Variants in ROBO2 observed in about 807,000 individuals in gnomAD.
The protein encoded by ROBO2 is roundabout guidance receptor 2.
A neutral mutation model predicts 160.8 loss-of-function variants in ROBO2; 53 were observed. The ratio of observed to expected loss-of-function variants is 0.33; its 90% CI spans 0.26 to 0.41. The LOEUF is 0.41. Among genes scored for constraint, ROBO2 ranks in the 10% least tolerant of loss-of-function variants. The pLI, the probability that ROBO2 is intolerant of heterozygous loss-of-function variation, is 1.00. For synonymous variants in ROBO2, 664 were observed against 611.7 expected, an observed-to-expected ratio of 1.09 and a Z score of -1.26; for missense variants, 1,577 against 1,722.4, an observed-to-expected ratio of 0.92 and a Z score of 1.49.
intron 2 of ROBO2, among the ~76,000 whole-genome samples, chr3:77,234,537 A>G (rs2087674872): frequency 6.6e-6 from 1 of 152,194 alleles, no homozygotes; most frequent in African/African-American, 2.4e-5. Flanking sequence ...CTTGAAATGA[A>G]AGATGCATAT....
intron 2 of ROBO2, among the ~76,000 whole-genome samples, chr3:76,673,497 G>A (rs1234325263): frequency 6.6e-6 from 1 of 152,156 alleles, no homozygotes; most frequent in Non-Finnish European, 1.5e-5. Context: ...ATTTAAATAC[G>A]CTTCTATGCT....
chr3:75,985,457 C>A (rs1301561908), intron 2 of ROBO2, among the ~76,000 whole-genome samples: 2 of 151,420 alleles, frequency 1.3e-5, no homozygotes, highest in Admixed American at 1.3e-4. Flanking sequence ...TATCTAAACA[C>A]AGAAAAGGCA....
At chr3:76,034,091 C>T (rs1466621113) in intron 2 of ROBO2, among the ~76,000 whole-genome samples, 1 of 152,178 alleles carries the variant, frequency 6.6e-6, no homozygotes, top group Non-Finnish European at 1.5e-5. Flanking sequence ...AGAAAAGGGG[C>T]ATAGGCATGA....
intron 2 of ROBO2, among the ~76,000 whole-genome samples, chr3:76,401,502 G>C (rs2077812847): frequency 6.6e-6 from 1 of 151,476 alleles, no homozygotes; most frequent in Non-Finnish European, 1.5e-5. Context: ...TCTTGAAACA[G>C]GCTTTTAACA....
At chr3:76,750,857 A>G (rs993682897) in intron 2 of ROBO2, among the ~76,000 whole-genome samples, 2 of 152,150 alleles carry the variant, frequency 1.3e-5, no homozygotes, top group African/African-American at 4.8e-5. Context: ...TATCGTGAAA[A>G]TGGCCATACT....
At chr3:76,919,178 C>A (rs1276077250) in intron 2 of ROBO2, among the ~76,000 whole-genome samples, 2 of 151,734 alleles carry the variant, frequency 1.3e-5, no homozygotes, top group African/African-American at 2.4e-5. Context: ...GCACATGTAC[C>A]CCGGAACTTA....
chr3:76,746,917 C>T (rs1171283810), intron 2 of ROBO2, among the ~76,000 whole-genome samples: 1 of 152,054 alleles, frequency 6.6e-6, no homozygotes, highest in Non-Finnish European at 1.5e-5. Context: ...GTTTTCTGAT[C>T]CTGTGTTAGT....
In ROBO2 at chr3:75,914,359, AG is replaced by A. The variant is rs1576116665; in HGVS notation, c.-14+7400del. 2.6e-5 allele frequency among the ~76,000 whole-genome samples: 4 copies of A among 152,192 alleles called. No homozygotes were observed. In the East Asian group the frequency reaches 7.7e-4, roughly 29 times the overall value. On this transcript the variant is annotated intron_variant, in intron 1 of 26. Transcript: ENST00000487694. ...AAAGGAAACCCTGGTTGAGATACAA[AG>A]CTGCTATAATCATTTTTAAAATCTT...
chr3:77,135,619 G>A, intron 2 of ROBO2, among the ~76,000 whole-genome samples: 1 of 151,598 alleles, frequency 6.6e-6, no homozygotes, highest in East Asian at 1.9e-4. Flanking sequence ...ATGTTGCCCA[G>A]GCTGCTGTTG....
intron 2 of ROBO2, among the ~76,000 whole-genome samples, chr3:76,161,246 A>C (rs899844814): frequency 6.6e-6 from 1 of 152,152 alleles, no homozygotes; most frequent in Admixed American, 6.6e-5. Flanking sequence ...AGTTGAATAC[A>C]TTAAAGTTTC....
At chr3:75,990,658 C>T (rs914423615) in intron 2 of ROBO2, among the ~76,000 whole-genome samples, 8 of 152,036 alleles carry the variant, frequency 5.3e-5, no homozygotes, top group African/African-American at 1.2e-4. Flanking sequence ...CTAGAATTAC[C>T]GCCATTGGAA....
At chr3:76,472,345 A>G (rs919506285) in intron 2 of ROBO2, among the ~76,000 whole-genome samples, 2 of 152,186 alleles carry the variant, frequency 1.3e-5, no homozygotes, top group African/African-American at 4.8e-5. Context: ...TTTCACTTAT[A>G]CTAAAAGAAG....
intron 2 of ROBO2, among the ~76,000 whole-genome samples, chr3:77,428,322 A>C (rs2078407163): frequency 6.6e-6 from 1 of 150,468 alleles, no homozygotes. Context: ...AGGCATTCAC[A>C]GCAAAACTTA....
At chr3:77,590,097 A>ATATGTTTGTTTGTTATTTATATGTT (rs1197997768) in intron 17 of ROBO2, among the ~76,000 whole-genome samples, 3 of 152,062 alleles carry the variant, frequency 2.0e-5, no homozygotes, top group Non-Finnish European at 4.4e-5. Flanking sequence ...TTGTTATTTG[A>ATATGTTTGTTTGTTATTTATATGTT]TGCATTTATA....
intron 2 of ROBO2, among the ~76,000 whole-genome samples, chr3:76,027,938 A>G (rs2107691688): frequency 6.6e-6 from 1 of 152,074 alleles, no homozygotes; most frequent in Non-Finnish European, 1.5e-5. Context: ...AACATCAAGC[A>G]ACCTATTTTT....
At chr3:76,865,398 C>T (rs1397322721) in intron 2 of ROBO2, among the ~76,000 whole-genome samples, 1 of 152,050 alleles carries the variant, frequency 6.6e-6, no homozygotes, top group African/African-American at 2.4e-5. Context: ...GCTATCTAGG[C>T]TTGCTTTCAA....
chr3:77,235,437 C>G (rs1472064482), intron 2 of ROBO2, among the ~76,000 whole-genome samples: 2 of 151,432 alleles, frequency 1.3e-5, no homozygotes, highest in African/African-American at 2.4e-5. Flanking sequence ...ACTGCAAGCT[C>G]TGCCTCCCGG....
intron 2 of ROBO2, among the ~76,000 whole-genome samples, chr3:76,283,681 C>T (rs1018320527): frequency 6.6e-6 from 1 of 151,946 alleles, no homozygotes; most frequent in Admixed American, 6.6e-5. Context: ...ATATGCAGTT[C>T]ACTTTTTCGT....
At chr3:76,127,832 C>T (rs2071051916) in intron 2 of ROBO2, among the ~76,000 whole-genome samples, 1 of 149,570 alleles carries the variant, frequency 6.7e-6, no homozygotes, top group Non-Finnish European at 1.5e-5. Context: ...TGCCTGAATA[C>T]TTTGAAAAAT....
Sources: allele counts gnomAD v4.1 joint callset (sites outside exome capture counted in the v4.1 genomes callset), GRCh38; gene constraint gnomAD v4.1.1; transcripts MANE v1.5; gene names NCBI Gene and HGNC (gene_info 2026-07-23, HGNC 2026-07-21).